NUP93: variants seen among roughly 807,000 people sequenced by gnomAD.
The protein encoded by NUP93 is nucleoporin 93.
NUP93 carries 55 observed loss-of-function variants against 107.8 expected under a neutral mutation model. The ratio of observed to expected loss-of-function variants is 0.51; its 90% CI spans 0.41 to 0.64. NUP93 has a LOEUF of 0.64. Among genes scored for constraint, NUP93 ranks in the 30% least tolerant of loss-of-function variants. NUP93 has a pLI of 0.00. For missense variants in NUP93, 937 were observed against 1,044.7 expected (o/e 0.90, Z 1.42); for synonymous variants, 390 against 397.5 (o/e 0.98, Z 0.22).
At position 56,838,520 on chromosome 16, in the gene NUP93, A is replaced by C. The variant is rs763139992; in HGVS notation, c.2019-432A>C. On this transcript the variant is annotated intron_variant, in intron 18 of 21. Transcript: ENST00000308159. ...AAACACCATTTTACACTCTTTAATT[A>C]ACTTCACCCAGAGAGCTCAGAAGGT... Among the ~76,000 whole-genome samples the C allele has an allele frequency of 2.0e-5, 3 of 152,134 alleles. No individual in the cohort carries two copies. The East Asian group carries it at 5.8e-4, about 29-fold the overall frequency.
chr16:56,745,713 G>A (rs1232088143), intron 1 of NUP93, among the ~76,000 whole-genome samples: 1 of 152,200 alleles, frequency 6.6e-6, no homozygotes, highest in Non-Finnish European at 1.5e-5. Context: ...ACAGTGAGAA[G>A]GCCAAGGGGC....
chr16:56,820,208 G>T (rs1462242190), intron 6 of NUP93, among the ~76,000 whole-genome samples: 1 of 152,234 alleles, frequency 6.6e-6, no homozygotes, highest in Non-Finnish European at 1.5e-5. Context: ...AAAGAGTGAA[G>T]CTTTATATCC....
intron 2 of NUP93, among the ~76,000 whole-genome samples, chr16:56,753,837 A>T (rs1247274019): frequency 6.6e-6 from 1 of 152,186 alleles, no homozygotes; most frequent in Admixed American, 6.6e-5. Flanking sequence ...TTGTGAAAAA[A>T]TTAGGCAATA....
intron 3 of NUP93, among the ~76,000 whole-genome samples, chr16:56,792,432 C>T (rs1962787984): frequency 6.6e-6 from 1 of 152,180 alleles, no homozygotes; most frequent in African/African-American, 2.4e-5. Context: ...AACAAGGGGT[C>T]ACAAAATTTG....
At position 56,738,835 on chromosome 16, in the gene NUP93, A is replaced by T. The variant is rs111827254; in HGVS notation, c.-15+8624A>T. ...CTCATCAATCTTGGATGAGAAAAGA[A>T]AGAATCATTCACAAGAATGTTGAAC... On this transcript the variant is annotated intron_variant, in intron 1 of 21. Coordinates refer to ENST00000308159, the MANE Select transcript of NUP93 (RefSeq NM_014669.5). 4.4e-3 allele frequency among the ~76,000 whole-genome samples: 676 copies of T among 152,266 alleles called. 5 individuals carry two copies. Among genetic ancestry groups the T allele is most frequent in the African/African-American group, 0.016 (652 of 41,544 alleles).
At chr16:56,767,554 C>A (rs1331607295) in intron 3 of NUP93, among the ~76,000 whole-genome samples, 1 of 152,136 alleles carries the variant, frequency 6.6e-6, no homozygotes, top group Non-Finnish European at 1.5e-5. Flanking sequence ...TTCCTCCACT[C>A]CTCCCTTTTC....
chr16:56,734,069 A>G (rs1961574353), intron 1 of NUP93, among the ~76,000 whole-genome samples: 1 of 152,234 alleles, frequency 6.6e-6, no homozygotes, highest in Non-Finnish European at 1.5e-5. Context: ...AGACCAGACA[A>G]GGTTCCCAGA....
rs144100905 is a variant in NUP93 at position 56,777,501 on chromosome 16, C to A, written c.297+18846C>A. On this transcript the variant is annotated intron_variant, in intron 3 of 21. Transcript: ENST00000308159. The stretch of plus-strand genomic sequence containing the variant: ...GTGCTAAATAAGGCTGTGCAGAAAT[C>A]TTCTCTTTTTTTTATTGACTGCCTA... Among the ~76,000 whole-genome samples, 1,161 of 152,148 alleles carry A rather than the reference C, an allele frequency of 7.6e-3. 16 individuals are homozygous for A. The highest frequency in any genetic ancestry group is 0.026 in the African/African-American group (1,098 of 41,546).
At chr16:56,782,286 T>C in intron 3 of NUP93, 2 of 859,676 alleles carry the variant, frequency 2.3e-6, no homozygotes, top group Non-Finnish European at 2.8e-6. Context: ...AGCATGTTGT[T>C]GCAGTGCCTC....
chr16:56,734,418 A>T (rs1360322633), intron 1 of NUP93, among the ~76,000 whole-genome samples: 3 of 152,220 alleles, frequency 2.0e-5, no homozygotes, highest in Non-Finnish European at 4.4e-5. Context: ...CCTGGGGAAG[A>T]GTGGTAACAG....
At chr16:56,829,648 G>T (rs367883220) in intron 9 of NUP93, among the ~76,000 whole-genome samples, 2 of 152,326 alleles carry the variant, frequency 1.3e-5, no homozygotes, top group African/African-American at 4.8e-5. Context: ...CCAACCTGAA[G>T]TTTTGGAAAA....
At chr16:56,820,904 T>C (rs1181452642) in intron 6 of NUP93, among the ~76,000 whole-genome samples, 1 of 152,220 alleles carries the variant, frequency 6.6e-6, no homozygotes, top group African/African-American at 2.4e-5. Context: ...TTACGATTTC[T>C]ACTATCATCA....
At chr16:56,827,063 A>AAAAAAC (rs1963680129) in intron 8 of NUP93, among the ~76,000 whole-genome samples, 1 of 149,788 alleles carries the variant, frequency 6.7e-6, no homozygotes, top group South Asian at 2.1e-4. Context: ...AAAAAAAAAA[A>AAAAAAC]AAAAAATTTT....
At chr16:56,811,091 G>A (rs1963306343) in intron 5 of NUP93, among the ~76,000 whole-genome samples, 1 of 152,060 alleles carries the variant, frequency 6.6e-6, no homozygotes, top group Admixed American at 6.6e-5. Context: ...GTGTGTTTTG[G>A]TGAGCACATA....
chr16:56,738,230 G>A (rs1961643752), intron 1 of NUP93, among the ~76,000 whole-genome samples: 1 of 152,234 alleles, frequency 6.6e-6, no homozygotes, highest in Admixed American at 6.5e-5. Flanking sequence ...GCTGGCGTGG[G>A]ATGGAGCCAA....
At chr16:56,832,216 C>A in intron 11 of NUP93, 79 bp from the exon 12 acceptor site, 2 of 1,319,654 alleles carry the variant, frequency 1.5e-6, no homozygotes, top group Non-Finnish European at 2.2e-6. Context: ...TTGAGCATGG[C>A]TGCTGAACAG....
chr16:56,809,994 GGT>G (rs1314263459), intron 5 of NUP93, among the ~76,000 whole-genome samples: 1 of 152,164 alleles, frequency 6.6e-6, no homozygotes, highest in African/African-American at 2.4e-5. Context: ...TTTTTAAAAT[GGT>G]GTTAATAGGT....
chr16:56,775,834 G>T (rs73555586), intron 3 of NUP93, among the ~76,000 whole-genome samples: 4,683 of 152,198 alleles, frequency 0.031, 89 homozygotes, highest in South Asian at 0.06. Context: ...CCCCTCCCTT[G>T]CCATGGTTGT....
rs185555265 is a variant in NUP93, at chr16:56,805,015, A to T, written c.361-489A>T. 8.4e-4 allele frequency among the ~76,000 whole-genome samples: 128 copies of T among 151,758 alleles called. No homozygotes were observed. The East Asian group carries it at 0.021, about 25-fold the overall frequency. On this transcript the variant is annotated intron_variant, in intron 4 of 21. Coordinates refer to ENST00000308159, the MANE Select transcript of NUP93 (RefSeq NM_014669.5). Reference sequence around the variant, plus strand: ...TGTCAGTAAGTTTATTTATTTATTTATTTTTTTGGAGATAAGGTCTTGCTC... The same window carrying T: ...TGTCAGTAAGTTTATTTATTTATTTTTTTTTTTGGAGATAAGGTCTTGCTC...
Sources: allele counts gnomAD v4.1 joint callset (sites outside exome capture counted in the v4.1 genomes callset), GRCh38; gene constraint gnomAD v4.1.1; transcripts MANE v1.5; gene names NCBI Gene and HGNC (gene_info 2026-07-23, HGNC 2026-07-21).